SMYD3: variants seen among roughly 807,000 people sequenced by gnomAD.
The protein encoded by SMYD3 is SET and MYND domain containing 3.
In SMYD3, 36 loss-of-function variants were observed where a neutral mutation model predicts 57.7. That is an observed-to-expected ratio of 0.62 (90% CI 0.48 to 0.82). The LOEUF is 0.82. Ranked by LOEUF, SMYD3 falls within the 40% of genes least tolerant of loss-of-function variation. The pLI is 0.00. For missense variants in SMYD3, 515 were observed against 538.8 expected, an observed-to-expected ratio of 0.96 and a Z score of 0.44; for synonymous variants, 211 against 195.0, an observed-to-expected ratio of 1.08 and a Z score of -0.68.
chr1:245,797,071 C>T (rs1240300066), intron 10 of SMYD3, among the ~76,000 whole-genome samples: 1 of 152,070 alleles, frequency 6.6e-6, no homozygotes, highest in Non-Finnish European at 1.5e-5. Context: ...ACAAAGTTTT[C>T]AAGAATAGTT....
At chr1:246,183,413 A>T (rs1374518165) in intron 5 of SMYD3, among the ~76,000 whole-genome samples, 1 of 151,830 alleles carries the variant, frequency 6.6e-6, no homozygotes, top group African/African-American at 2.4e-5. Flanking sequence ...GAAGGTTGGC[A>T]TAAGAGATAA....
intron 5 of SMYD3, among the ~76,000 whole-genome samples, chr1:246,211,953 C>CATATT (rs1305661824): frequency 6.7e-6 from 1 of 149,926 alleles, no homozygotes; most frequent in African/African-American, 2.4e-5. Flanking sequence ...CAGAAGAATA[C>CATATT]ATATTACCTC....
intron 5 of SMYD3, among the ~76,000 whole-genome samples, chr1:246,042,654 C>T (rs1483001558): frequency 6.6e-6 from 1 of 152,200 alleles, no homozygotes; most frequent in African/African-American, 2.4e-5. Flanking sequence ...GTTAATCAAT[C>T]ATTCTCTTAC....
At chr1:246,302,989 A>G (rs1368499766) in intron 5 of SMYD3, among the ~76,000 whole-genome samples, 1 of 152,190 alleles carries the variant, frequency 6.6e-6, no homozygotes, top group African/African-American at 2.4e-5. Context: ...GGAACACTAT[A>G]TGACAAGAGA....
At chr1:246,013,903 C>T (rs576435581) in intron 5 of SMYD3, among the ~76,000 whole-genome samples, 2 of 152,174 alleles carry the variant, frequency 1.3e-5, no homozygotes, top group East Asian at 1.9e-4. Context: ...TTCTGGTATA[C>T]GGTACACAGT....
intron 5 of SMYD3, among the ~76,000 whole-genome samples, chr1:246,138,354 C>CA (rs1461838384): frequency 2.0e-5 from 3 of 151,662 alleles, no homozygotes; most frequent in Non-Finnish European, 2.9e-5. Flanking sequence ...GAACTGAAAA[C>CA]AAAAAACAAA....
intron 8 of SMYD3, among the ~76,000 whole-genome samples, chr1:245,892,782 A>G (rs1249625004): frequency 6.6e-6 from 1 of 152,262 alleles, no homozygotes; most frequent in Non-Finnish European, 1.5e-5. Flanking sequence ...AAAATCTAAT[A>G]TGAAACACAG....
At chr1:246,420,034 A>G (rs2067119121) in intron 1 of SMYD3, among the ~76,000 whole-genome samples, 1 of 152,196 alleles carries the variant, frequency 6.6e-6, no homozygotes, top group Non-Finnish European at 1.5e-5. Flanking sequence ...CCCCGTCTCT[A>G]TTAAAAATAT....
chr1:246,344,027 T>C (rs547136965), intron 2 of SMYD3, among the ~76,000 whole-genome samples: 42 of 151,278 alleles, frequency 2.8e-4, no homozygotes, highest in African/African-American at 9.9e-4. Flanking sequence ...ATAAAATGTA[T>C]CCATTTTAAC....
intron 5 of SMYD3, among the ~76,000 whole-genome samples, chr1:246,309,590 G>T (rs1298836654): frequency 6.6e-6 from 1 of 152,078 alleles, no homozygotes; most frequent in African/African-American, 2.4e-5. Flanking sequence ...GAAGTTACCG[G>T]GCTTTGAAAT....
At chr1:246,101,447 C>T (rs986459768) in intron 5 of SMYD3, among the ~76,000 whole-genome samples, 1 of 152,140 alleles carries the variant, frequency 6.6e-6, no homozygotes, top group Non-Finnish European at 1.5e-5. Flanking sequence ...TGCCAATCCC[C>T]ATCCACATCT....
chr1:246,166,627 C>T (rs910598740), intron 5 of SMYD3, among the ~76,000 whole-genome samples: 1 of 152,138 alleles, frequency 6.6e-6, no homozygotes, highest in African/African-American at 2.4e-5. Flanking sequence ...TTGTGCTTGT[C>T]CACACATGTA....
intron 10 of SMYD3, among the ~76,000 whole-genome samples, chr1:245,799,221 A>G (rs762987171): frequency 2.0e-5 from 3 of 152,206 alleles, no homozygotes; most frequent in Non-Finnish European, 2.9e-5. Flanking sequence ...CAGCTGTGCA[A>G]GGAGCACAGC....
intron 10 of SMYD3, among the ~76,000 whole-genome samples, chr1:245,828,722 T>TTG (rs397802614): frequency 6.6e-6 from 1 of 151,610 alleles, no homozygotes; most frequent in Non-Finnish European, 1.5e-5. Flanking sequence ...TTTTTTTTTT[T>TTG]GAGACAGGGT....
At position 246,078,162 on chromosome 1, in the gene SMYD3, T is replaced by A. The variant is rs544456571; in HGVS notation, c.532-148225A>T. Among the ~76,000 whole-genome samples, 14 of 152,082 alleles carry A rather than the reference T, an allele frequency of 9.2e-5. No homozygotes were observed. In the East Asian group the frequency reaches 2.7e-3, roughly 29 times the overall value. ...AAAATTTCTCCCCTGCCCCAAACAC[T>A]CCTTATTGGGCTATTGTTATCCCAG... On this transcript the variant is annotated intron_variant, in intron 5 of 11. Coordinates refer to ENST00000490107, the MANE Select transcript of SMYD3 (RefSeq NM_001167740.2).
intron 5 of SMYD3, among the ~76,000 whole-genome samples, chr1:246,101,100 T>TTA (rs2061007342): frequency 2.4e-5 from 3 of 122,636 alleles, no homozygotes; most frequent in Non-Finnish European, 5.0e-5. Flanking sequence ...TTTTTTTTTT[T>TTA]ACAGAGTAAG....
intron 5 of SMYD3, among the ~76,000 whole-genome samples, chr1:246,123,492 G>A (rs542168650): frequency 2.2e-4 from 34 of 151,736 alleles, no homozygotes; most frequent in Non-Finnish European, 3.7e-4. Context: ...GCTTGAACCC[G>A]GGAGGCAGAG....
chr1:246,180,336 T>C (rs1288236489), intron 5 of SMYD3, among the ~76,000 whole-genome samples: 1 of 147,074 alleles, frequency 6.8e-6, no homozygotes, highest in Non-Finnish European at 1.5e-5. Context: ...TATAAGTATA[T>C]ATATAAACTA....
At chr1:246,323,231 C>A (rs1468810699) in intron 5 of SMYD3, among the ~76,000 whole-genome samples, 1 of 152,172 alleles carries the variant, frequency 6.6e-6, no homozygotes, top group African/African-American at 2.4e-5. Context: ...ATAGAAAACT[C>A]CACAATCAAA....
Sources: gnomAD v4.1 joint callset for allele counts (sites outside exome capture counted in the v4.1 genomes callset) on GRCh38, gnomAD v4.1.1 for gene constraint, MANE v1.5 for transcripts, NCBI Gene and HGNC (gene_info 2026-07-23, HGNC 2026-07-21) for gene names.